Variants in ZDHHC21 observed in about 807,000 individuals in gnomAD.
ZDHHC21 encodes the protein palmitoyltransferase ZDHHC21.
Under a neutral mutation model 34.6 loss-of-function variants are expected in ZDHHC21, and 15 were observed. The ratio of observed to expected loss-of-function variants is 0.43; its 90% confidence interval spans 0.29 to 0.67. ZDHHC21 has a LOEUF of 0.67. Ranked by LOEUF, ZDHHC21 falls within the 30% of genes least tolerant of loss-of-function variation. The probability of loss-of-function intolerance (pLI) is 0.14; values close to 1 mark genes in which losing one functional copy is unlikely to be tolerated. For synonymous variants in ZDHHC21, 142 were observed against 101.8 expected (o/e 1.40, Z -2.38); for missense variants, 344 against 327.7 (o/e 1.05, Z -0.38).
At chr9:14,644,583 A>G (rs1429606261) in intron 7 of ZDHHC21, among the ~76,000 whole-genome samples, 1 of 152,008 alleles carries the variant, frequency 6.6e-6, no homozygotes, top group African/African-American at 2.4e-5. Flanking sequence ...GTTTACTAAG[A>G]GTGTGTAACC....
At chr9:14,685,119 A>T (rs111418988) in intron 2 of ZDHHC21, among the ~76,000 whole-genome samples, 25,963 of 151,164 alleles carry the variant, frequency 0.17, 2,265 homozygotes, top group East Asian at 0.34. Context: ...AACCTAGGCA[A>T]TACCATTCAG....
chr9:14,665,963 T>A (rs1261938006), intron 5 of ZDHHC21, among the ~76,000 whole-genome samples: 3 of 149,128 alleles, frequency 2.0e-5, no homozygotes, highest in African/African-American at 4.9e-5. Context: ...TCACCAGCTA[T>A]CATCATAATG....
At chr9:14,597,454 C>T in the ZDHHC21 span, among the ~76,000 whole-genome samples, 3 of 152,194 alleles carry the variant, frequency 2.0e-5, no homozygotes, top group African/African-American at 4.8e-5. Flanking sequence ...ACACACTCCT[C>T]AGAATCTGAG....
At chr9:14,636,468 T>C (rs1402528970) in intron 8 of ZDHHC21, among the ~76,000 whole-genome samples, 4 of 152,140 alleles carry the variant, frequency 2.6e-5, no homozygotes, top group Admixed American at 6.5e-5. Flanking sequence ...GTTGAGGACT[T>C]GGACACAGGA....
At chr9:14,632,034 AC>A (rs1311640565) in intron 8 of ZDHHC21, among the ~76,000 whole-genome samples, 1 of 150,776 alleles carries the variant, frequency 6.6e-6, no homozygotes, top group Non-Finnish European at 1.5e-5. Flanking sequence ...CATCATTGCC[AC>A]AAACCTTCAA....
At chr9:14,665,646 T>C (rs1391214319) in intron 5 of ZDHHC21, among the ~76,000 whole-genome samples, 1 of 139,006 alleles carries the variant, frequency 7.2e-6, no homozygotes. Flanking sequence ...TAACAGCGGA[T>C]CTCTCGGCAG....
chr9:14,613,597 T>C lies in ZDHHC21; in HGVS notation c.*5369A>G, dbSNP rs539046181. 1 of 151,810 alleles carries C rather than the reference T, an allele frequency of 6.6e-6. No individual in the cohort carries two copies. The highest frequency in any genetic ancestry group is 2.4e-5 in the African/African-American group (1 of 41,408). 9.4% of individuals were successfully genotyped at this position (151,810 alleles called of 1,614,324 possible). On this transcript the variant is annotated 3_prime_UTR_variant, in exon 10 of 10. Transcript: ENST00000380916. ...GCATCTTTGTTTATATATAAAGCTA[T>C]CGATACCAAAAAAATCAGTGTTGAA...
At chr9:14,669,602 C>T (rs1382194018) in intron 5 of ZDHHC21, among the ~76,000 whole-genome samples, 7 of 145,342 alleles carry the variant, frequency 4.8e-5, no homozygotes, top group Non-Finnish European at 1.1e-4. Flanking sequence ...TTGGAACCAA[C>T]CCAAATGTCC....
At chr9:14,593,896 G>A in the ZDHHC21 span, 1 of 152,202 alleles carries the variant, frequency 6.6e-6, no homozygotes, top group Non-Finnish European at 1.5e-5. Flanking sequence ...TAAGTGGGAA[G>A]AGCTCCCTGA....
At chr9:14,644,817 T>A (rs1830013684) in intron 7 of ZDHHC21, among the ~76,000 whole-genome samples, 1 of 139,140 alleles carries the variant, frequency 7.2e-6, no homozygotes, top group African/African-American at 2.6e-5. Context: ...CATACATATG[T>A]ATACACACAC....
intron 7 of ZDHHC21, among the ~76,000 whole-genome samples, chr9:14,654,926 G>A (rs1242577714): frequency 1.3e-5 from 2 of 151,916 alleles, no homozygotes; most frequent in East Asian, 3.9e-4. Context: ...AGAAAAAATT[G>A]AGCAGAGGTA....
intron 1 of ZDHHC21, among the ~76,000 whole-genome samples, chr9:14,692,293 A>T (rs1839270519): frequency 6.6e-6 from 1 of 152,236 alleles, no homozygotes; most frequent in Non-Finnish European, 1.5e-5. Flanking sequence ...TTCTTACCAC[A>T]AGGAAAGCAG....
chr9:14,692,192 G>T (rs1005905418), intron 1 of ZDHHC21, among the ~76,000 whole-genome samples: 1 of 152,150 alleles, frequency 6.6e-6, no homozygotes, highest in African/African-American at 2.4e-5. Context: ...AATCTAAAGA[G>T]TTGGAAGAAT....
intron 7 of ZDHHC21, among the ~76,000 whole-genome samples, chr9:14,654,547 C>T (rs931826553): frequency 2.0e-5 from 3 of 151,864 alleles, no homozygotes; most frequent in African/African-American, 2.4e-5. Flanking sequence ...TCAACAGAAA[C>T]GGACCCACAA....
At chr9:14,685,628 T>C (rs543188915) in intron 2 of ZDHHC21, among the ~76,000 whole-genome samples, 101 of 152,332 alleles carry the variant, frequency 6.6e-4, no homozygotes, top group Middle Eastern at 6.8e-3. Context: ...AGTTCAACCA[T>C]TGTGGAAGAC....
At chr9:14,669,747 C>T (rs540982449) in intron 5 of ZDHHC21, among the ~76,000 whole-genome samples, 2,229 of 149,118 alleles carry the variant, frequency 0.015, 30 homozygotes, top group African/African-American at 0.035. Context: ...AGTAAACTAT[C>T]GCAAGAACAA....
chr9:14,686,847 C>T (rs1838395133), intron 2 of ZDHHC21, among the ~76,000 whole-genome samples: 2 of 150,160 alleles, frequency 1.3e-5, no homozygotes, highest in Non-Finnish European at 2.9e-5. Context: ...GTGGTGTGTG[C>T]CTGTAATCAC....
Position 14,689,257 on chromosome 9 carries a change from G to A in ZDHHC21, c.-176+1080C>T, listed in dbSNP as rs1838813389. On this transcript the variant is annotated intron_variant, in intron 2 of 9. Transcript: ENST00000380916. ...TGATCTAAAATAGAATGAATGAACT[G>A]AAGCCCCTAAACTAAATCACATTCA... Among the ~76,000 whole-genome samples the A allele has an allele frequency of 3.3e-5, 5 of 152,154 alleles. No homozygotes were observed. In the South Asian group the frequency reaches 1.0e-3, roughly 32 times the overall value.
intron 5 of ZDHHC21, among the ~76,000 whole-genome samples, chr9:14,663,642 G>A (rs1006466532): frequency 2.0e-5 from 3 of 151,418 alleles, no homozygotes; most frequent in Non-Finnish European, 4.4e-5. Context: ...ATAGTAAAGC[G>A]TTGGGAAAAT....
Sources: allele counts gnomAD v4.1 joint callset (sites outside exome capture counted in the v4.1 genomes callset), GRCh38; gene constraint gnomAD v4.1.1; transcripts MANE v1.5; gene names NCBI Gene and HGNC (gene_info 2026-07-23, HGNC 2026-07-21).